Variants in FBN2 observed in about 807,000 individuals in gnomAD.
FBN2 encodes fibrillin 2.
A neutral mutation model predicts 355.6 loss-of-function variants in FBN2; 105 were observed. The observed-to-expected ratio is 0.30, with a 90% CI of 0.25 to 0.35. FBN2 has a LOEUF of 0.35. FBN2 is among the 10% of genes least tolerant of loss of function. FBN2 has a pLI of 1.00. For missense variants in FBN2, 3,280 were observed against 3,758.7 expected, an observed-to-expected ratio of 0.87 and a Z score of 3.33; for synonymous variants, 1,350 against 1,301.2, an observed-to-expected ratio of 1.04 and a Z score of -0.81.
chr5:128,379,883 G>C (rs771454129), intron 11 of FBN2, among the ~76,000 whole-genome samples: 4 of 152,022 alleles, frequency 2.6e-5, no homozygotes, highest in Non-Finnish European at 5.9e-5. Context: ...CTAAATTGGA[G>C]AACATAACAA....
chr5:128,308,530 C>T (rs1229844990), intron 41 of FBN2, among the ~76,000 whole-genome samples: 1 of 152,030 alleles, frequency 6.6e-6, no homozygotes, highest in Non-Finnish European at 1.5e-5. Context: ...CTTATTTGGC[C>T]TACTGGTTCA....
chr5:128,399,105 T>A (rs892759929), intron 8 of FBN2, among the ~76,000 whole-genome samples: 3 of 152,220 alleles, frequency 2.0e-5, no homozygotes, highest in Non-Finnish European at 4.4e-5. Flanking sequence ...CAGTATTTAA[T>A]GGATACTAAC....
intron 5 of FBN2, among the ~76,000 whole-genome samples, chr5:128,514,224 CATT>C (rs1561493187): frequency 1.3e-5 from 2 of 152,144 alleles, no homozygotes; most frequent in African/African-American, 4.8e-5. Context: ...GTTTAAATAA[CATT>C]AGTATAAGAT....
rs751406554 is a variant in FBN2 at position 128,330,659 on chromosome 5, C to T, written c.4259G>A (p.Ser1420Asn). The T allele has an allele frequency of 2.8e-5, 45 of 1,613,756 alleles. No homozygotes were observed. The highest frequency in any genetic ancestry group is 3.6e-5 in the Non-Finnish European group (42 of 1,179,812). Reference protein sequence around the residue: ...DECSNGTHQCSINAQCVNTPG... With the variant: ...DECSNGTHQCNINAQCVNTPG... Reference sequence around the variant, plus strand: ...GGTATTTACACACTGAGCATTGATGCTACACTGGTGGGTTCCATTAGAACA... The same window carrying T: ...GGTATTTACACACTGAGCATTGATGTTACACTGGTGGGTTCCATTAGAACA... The change falls in exon 33 of 65, where the codon AGC (serine) becomes AAC (asparagine). Residue 1420 changes from serine (S) to asparagine (N), a missense_variant. Ser to Asn is a conservative substitution (Grantham distance 46). Transcript: ENST00000262464.
At chr5:128,307,413 T>C (rs1749913917) in intron 41 of FBN2, among the ~76,000 whole-genome samples, 1 of 152,170 alleles carries the variant, frequency 6.6e-6, no homozygotes, top group Non-Finnish European at 1.5e-5. Flanking sequence ...TTTCTATTAC[T>C]CTCATTAACT....
chr5:128,372,755 G>A (rs1751974611), intron 15 of FBN2, among the ~76,000 whole-genome samples: 1 of 152,138 alleles, frequency 6.6e-6, no homozygotes, highest in Non-Finnish European at 1.5e-5. Flanking sequence ...GAATCCCAAA[G>A]TGCTGGGATT....
intron 5 of FBN2, among the ~76,000 whole-genome samples, chr5:128,489,033 G>T (rs1317503557): frequency 6.6e-6 from 1 of 152,046 alleles, no homozygotes; most frequent in East Asian, 1.9e-4. Flanking sequence ...GGATGGCTGG[G>T]TCAAATGGTA....
At position 128,338,917 on chromosome 5, in the gene FBN2, A is replaced by G; in HGVS notation, c.3472+16T>C. ...GTATGGTTTCAAGCTGGCGAGGAAGAGCTCACGGTGCTTACCCATGCAGTT... is the reference window on the plus strand; with the variant it reads ...GTATGGTTTCAAGCTGGCGAGGAAGGGCTCACGGTGCTTACCCATGCAGTT... On this transcript the variant is annotated intron_variant, in intron 26 of 64. Transcript: ENST00000262464. The G allele has an allele frequency of 6.2e-7, 1 of 1,613,516 alleles. No individual in the cohort carries two copies. The highest frequency in any genetic ancestry group is 1.1e-5 in the South Asian group (1 of 91,076).
intron 5 of FBN2, among the ~76,000 whole-genome samples, chr5:128,478,649 C>T (rs1236561624): frequency 2.6e-5 from 4 of 152,164 alleles, no homozygotes; most frequent in African/African-American, 9.6e-5. Context: ...GGACAAAATG[C>T]ACCTGCTGAG....
In FBN2 at chr5:128,434,341, A is replaced by G. The variant is rs145654894; in HGVS notation, c.952+12140T>C. Among the ~76,000 whole-genome samples, 782 of 144,480 alleles carry G rather than the reference A, an allele frequency of 5.4e-3. 9 individuals are homozygous for G. The highest frequency in any genetic ancestry group is 0.019 in the African/African-American group (728 of 37,638). The allele number at this position is 144,480 out of a possible 152,430, so 94.8% of individuals were successfully genotyped here. On this transcript the variant is annotated intron_variant, in intron 7 of 64. Transcript: ENST00000262464. ...TCTAAAAGAAATGGCAGCCCATAAC[A>G]TTTGTCTCCAGACCTGCATACATTT...
intron 48 of FBN2, among the ~76,000 whole-genome samples, chr5:128,298,874 TGG>T (rs1313338523): frequency 1.3e-5 from 2 of 152,242 alleles, no homozygotes; most frequent in Non-Finnish European, 2.9e-5. Flanking sequence ...GTTCTGTTGC[TGG>T]TGAGGAACTG....
intron 25 of FBN2, among the ~76,000 whole-genome samples, chr5:128,343,059 G>A (rs1278196009): frequency 1.3e-5 from 2 of 152,140 alleles, no homozygotes; most frequent in Admixed American, 1.3e-4. Context: ...TAGAGAGGAG[G>A]CTGTGTGAGA....
intron 34 of FBN2, chr5:128,328,065 G>A (rs963722391): frequency 6.3e-6 from 1 of 158,164 alleles, no homozygotes; most frequent in Non-Finnish European, 1.4e-5. Flanking sequence ...ATAACACAAT[G>A]ATGGCTCAAA....
rs1203860287 is a variant in FBN2, at chr5:128,307,123, G to A, written c.5422+12C>T. ...ATATGTATTAAAACAAACATAATCT[G>A]GAAAAACTCACCAACAGCTTTTCCT... On this transcript the variant is annotated intron_variant, in intron 42 of 64. Coordinates refer to ENST00000262464, the MANE Select transcript of FBN2 (RefSeq NM_001999.4). 2 of 1,567,966 alleles carry A rather than the reference G, an allele frequency of 1.3e-6. No homozygotes were observed. The highest frequency in any genetic ancestry group is 2.2e-5 in the East Asian group (1 of 44,516).
chr5:128,366,779 A>T (rs1395295271), intron 16 of FBN2, among the ~76,000 whole-genome samples: 5 of 152,156 alleles, frequency 3.3e-5, no homozygotes, highest in Non-Finnish European at 7.4e-5. Flanking sequence ...GCCAAAATAT[A>T]GGTTATAGTA....
intron 34 of FBN2, among the ~76,000 whole-genome samples, chr5:128,320,323 T>A (rs898679641): frequency 4.0e-5 from 6 of 151,656 alleles, no homozygotes; most frequent in African/African-American, 1.5e-4. Flanking sequence ...CAAGCAATCC[T>A]CCCCCTTCAG....
intron 17 of FBN2, chr5:128,365,344 A>T (rs1751739474): frequency 1.3e-5 from 2 of 152,306 alleles, no homozygotes; most frequent in Admixed American, 1.3e-4. Context: ...TGTATGAATG[A>T]TCAAGTAGTT....
intron 2 of FBN2, among the ~76,000 whole-genome samples, chr5:128,535,402 T>G (rs1368326648): frequency 6.6e-6 from 1 of 152,226 alleles, no homozygotes; most frequent in Admixed American, 6.5e-5. Context: ...CCTTTTTCTC[T>G]GTTCACAGTT....
chr5:128,434,392 G>GTATATATATATATATA, intron 7 of FBN2, among the ~76,000 whole-genome samples: 1 of 44,112 alleles, frequency 2.3e-5, no homozygotes, highest in Non-Finnish European at 3.7e-5. Flanking sequence ...TGAATAAAGT[G>GTATATATATATATATA]TGTATATATA....
Sources: gnomAD v4.1 joint callset for allele counts (sites outside exome capture counted in the v4.1 genomes callset) on GRCh38, gnomAD v4.1.1 for gene constraint, MANE v1.5 for transcripts, NCBI Gene and HGNC (gene_info 2026-07-23, HGNC 2026-07-21) for gene names.